Variants in DTNB observed in about 807,000 individuals in gnomAD.
DTNB encodes the protein DTN-B.
DTNB carries 63 observed loss-of-function variants against 90.7 expected under a neutral mutation model. The ratio of observed to expected loss-of-function variants is 0.69; its 90% CI spans 0.57 to 0.86. The LOEUF (loss-of-function observed/expected upper bound fraction) is 0.86. Among genes scored for constraint, DTNB ranks in the 40% least tolerant of loss-of-function variants. The pLI is 0.00. For synonymous variants in DTNB, 277 were observed against 286.7 expected (o/e 0.97, Z 0.34); for missense variants, 744 against 807.1 (o/e 0.92, Z 0.95).
chr2:25,663,481 C>A (rs886826128), intron 1 of DTNB, among the ~76,000 whole-genome samples: 1 of 152,170 alleles, frequency 6.6e-6, no homozygotes, highest in Non-Finnish European at 1.5e-5. Flanking sequence ...CTCGAGGAAT[C>A]CCCACACCAT....
At chr2:25,477,746 T>C (rs2064019066) in intron 10 of DTNB, among the ~76,000 whole-genome samples, 1 of 152,180 alleles carries the variant, frequency 6.6e-6, no homozygotes, top group Non-Finnish European at 1.5e-5. Context: ...AACACAGTTT[T>C]TTTCAGAAGC....
At chr2:25,571,536 C>T (rs1437545051) in intron 8 of DTNB, among the ~76,000 whole-genome samples, 1 of 152,184 alleles carries the variant, frequency 6.6e-6, no homozygotes, top group Non-Finnish European at 1.5e-5. Context: ...TGAACACTAC[C>T]TCTTCTCTTC....
At chr2:25,617,942 TAAAG>T (rs1489057835) in intron 4 of DTNB, among the ~76,000 whole-genome samples, 3 of 152,164 alleles carry the variant, frequency 2.0e-5, no homozygotes, top group Non-Finnish European at 2.9e-5. Context: ...TAACTTGGCA[TAAAG>T]AAATAGTTAT....
At position 25,599,346 on chromosome 2, in the gene DTNB, A is replaced by AT. The variant is rs34887301; in HGVS notation, c.449-3107dup. ...ACATTACTGTTTGAACTAACTAGCA[A>AT]TTTTTTTTTTTTTTAGACGGGGTCT... On this transcript the variant is annotated intron_variant, in intron 5 of 20. Coordinates refer to ENST00000406818, the MANE Select transcript of DTNB (RefSeq NM_021907.5). 7.9e-4 allele frequency among the ~76,000 whole-genome samples: 116 copies of AT among 147,466 alleles called. 1 individual carries two copies. The highest frequency in any genetic ancestry group is 3.4e-3 in the Middle Eastern group (1 of 290).
Position 25,543,983 on chromosome 2 carries a change from ACT to A in DTNB, c.877-12388_877-12387del, listed in dbSNP as rs142996282. ...TAAGGCTCATATAACCAGGTCTGTC[ACT>A]CTTTTTGTGGTACAAACAGCCCCTC... On this transcript the variant is annotated intron_variant, in intron 8 of 20. Coordinates refer to ENST00000406818, the MANE Select transcript of DTNB (RefSeq NM_021907.5). Among the ~76,000 whole-genome samples the A allele has an allele frequency of 3.2e-3, 480 of 152,264 alleles. 3 individuals carry two copies. The highest frequency in any genetic ancestry group is 0.011 in the African/African-American group (461 of 41,554).
chr2:25,448,767 T>C (rs190833203), intron 12 of DTNB, among the ~76,000 whole-genome samples: 37 of 147,224 alleles, frequency 2.5e-4, no homozygotes, highest in African/African-American at 9.1e-4. Context: ...GGCAGGAGAA[T>C]GGTGTGAACC....
At chr2:25,604,143 T>C (rs552126799) in intron 5 of DTNB, among the ~76,000 whole-genome samples, 20 of 151,950 alleles carry the variant, frequency 1.3e-4, no homozygotes, top group African/African-American at 4.8e-4. Context: ...ACACATAACA[T>C]CATATTTGCC....
At chr2:25,653,469 T>A (rs1436415118) in intron 1 of DTNB, among the ~76,000 whole-genome samples, 1 of 147,940 alleles carries the variant, frequency 6.8e-6, no homozygotes, top group Non-Finnish European at 1.5e-5. Flanking sequence ...AGAAAACTGT[T>A]CAGAGCTTGC....
At chr2:25,577,482 T>C (rs931219866) in intron 7 of DTNB, among the ~76,000 whole-genome samples, 1 of 151,648 alleles carries the variant, frequency 6.6e-6, no homozygotes, top group Non-Finnish European at 1.5e-5. Context: ...AGAATCTAAA[T>C]TGTCTGCTAG....
chr2:25,557,925 G>C (rs1398070049), intron 8 of DTNB, among the ~76,000 whole-genome samples: 2 of 152,210 alleles, frequency 1.3e-5, no homozygotes, highest in African/African-American at 4.8e-5. Flanking sequence ...ATGTCCATGA[G>C]ATCTCTGAAT....
At position 25,477,591 on chromosome 2, in the gene DTNB, T is replaced by C. The variant is rs2063983730; in HGVS notation, c.1079+5205A>G. 2.0e-5 allele frequency among the ~76,000 whole-genome samples: 3 copies of C among 152,166 alleles called. No homozygotes were observed. In the South Asian group the frequency reaches 6.2e-4, roughly 32 times the overall value. On this transcript the variant is annotated intron_variant, in intron 10 of 20. Coordinates refer to ENST00000406818, the MANE Select transcript of DTNB (RefSeq NM_021907.5). Reference sequence around the variant, plus strand: ...TATTATGTCCCAAGTCAATACATCATCAACAACTGAACAAAACAGAATAGA... The same window carrying C: ...TATTATGTCCCAAGTCAATACATCACCAACAACTGAACAAAACAGAATAGA...
At chr2:25,562,470 G>A (rs539729459) in intron 8 of DTNB, among the ~76,000 whole-genome samples, 14 of 152,298 alleles carry the variant, frequency 9.2e-5, no homozygotes, top group Admixed American at 5.2e-4. Flanking sequence ...GGATCACATG[G>A]TGAGTCTATG....
intron 7 of DTNB, among the ~76,000 whole-genome samples, chr2:25,580,424 G>C (rs1170836940): frequency 1.3e-5 from 2 of 151,824 alleles, no homozygotes; most frequent in African/African-American, 4.8e-5. Flanking sequence ...GGGAGGCTGA[G>C]GTGACAGAAT....
chr2:25,646,429 G>A (rs2079476473), intron 2 of DTNB, among the ~76,000 whole-genome samples: 1 of 151,830 alleles, frequency 6.6e-6, no homozygotes, highest in Admixed American at 6.6e-5. Context: ...CCGAGATCAT[G>A]CCATTGCACT....
intron 8 of DTNB, among the ~76,000 whole-genome samples, chr2:25,556,959 T>C (rs527250672): frequency 6.6e-6 from 1 of 152,332 alleles, no homozygotes; most frequent in South Asian, 2.1e-4. Context: ...GTAAAAGCTT[T>C]CAAAACATTA....
rs925504204 is a variant in DTNB at position 25,388,555 on chromosome 2, C to T, written c.1576-194G>A. ...GAAGAAAAGGAAAAAAGGAAGGGGG[C>T]GTGCAGGGCAGAGAGAGAGAACATC... On this transcript the variant is annotated intron_variant, in intron 16 of 20. Coordinates refer to ENST00000406818, the MANE Select transcript of DTNB (RefSeq NM_021907.5). 9.0e-6 allele frequency: 6 copies of T among 666,080 alleles called. No homozygotes were observed. The East Asian group carries it at 9.1e-5, about 10-fold the overall frequency. The allele number at this position is 666,080 out of a possible 1,614,324, so 41.3% of individuals were successfully genotyped here.
chr2:25,444,023 TG>T (rs2057994423), intron 12 of DTNB, among the ~76,000 whole-genome samples: 1 of 152,158 alleles, frequency 6.6e-6, no homozygotes, highest in African/African-American at 2.4e-5. Context: ...ATATTTTAAG[TG>T]TGAGGTAGCA....
intron 15 of DTNB, among the ~76,000 whole-genome samples, chr2:25,427,315 G>A (rs1172477176): frequency 6.6e-6 from 1 of 151,908 alleles, no homozygotes; most frequent in African/African-American, 2.4e-5. Flanking sequence ...GCAACTGCTC[G>A]AGACATTATC....
At chr2:25,482,913 A>T in intron 9 of DTNB, 40 bp from the exon 10 acceptor site, 2 of 1,546,116 alleles carry the variant, frequency 1.3e-6, no homozygotes, top group Non-Finnish European at 1.7e-6. Flanking sequence ...ATAATGACCA[A>T]CTAGGGGAAA....
Sources: allele counts gnomAD v4.1 joint callset (sites outside exome capture counted in the v4.1 genomes callset), GRCh38; gene constraint gnomAD v4.1.1; transcripts MANE v1.5; gene names NCBI Gene and HGNC (gene_info 2026-07-23, HGNC 2026-07-21).